CHN2: variants seen among roughly 807,000 people sequenced by gnomAD.
The protein encoded by CHN2 is chimerin 2.
In CHN2, 35 loss-of-function variants were observed where a neutral mutation model predicts 56.3. The ratio of observed to expected loss-of-function variants is 0.62; its 90% CI spans 0.47 to 0.82. CHN2 has a LOEUF of 0.82. CHN2 is among the 40% of genes least tolerant of loss of function. The pLI is 0.00. For synonymous variants in CHN2, 210 were observed against 212.8 expected (o/e 0.99, Z 0.12); for missense variants, 491 against 580.5 (o/e 0.85, Z 1.58).
rs182605468 is a variant in CHN2, at chr7:29,425,195, T to C, written c.576+24367T>C. On this transcript the variant is annotated intron_variant, in intron 6 of 12. Coordinates refer to ENST00000222792, the MANE Select transcript of CHN2 (RefSeq NM_004067.4). Reference sequence around the variant, plus strand: ...CCCCCTGCGGTTGGGTGAGGCCATATGGCACTTCAGACCAGTAAAGTATGA... The same window carrying C: ...CCCCCTGCGGTTGGGTGAGGCCATACGGCACTTCAGACCAGTAAAGTATGA... Among the ~76,000 whole-genome samples the C allele has an allele frequency of 2.6e-5, 4 of 152,340 alleles. No individual in the cohort carries two copies. In the East Asian group the frequency reaches 7.7e-4, roughly 29 times the overall value.
chr7:29,153,613 A>G (rs558415251), intron 2 of CHN2, among the ~76,000 whole-genome samples: 2 of 152,202 alleles, frequency 1.3e-5, no homozygotes, highest in Non-Finnish European at 2.9e-5. Flanking sequence ...ACTTTTGCCC[A>G]GGCTGAAGTG....
chr7:29,312,515 A>C (rs1794675786), intron 1 of CHN2, among the ~76,000 whole-genome samples: 1 of 152,196 alleles, frequency 6.6e-6, no homozygotes, highest in Admixed American at 6.5e-5. Context: ...AGCTAACTTT[A>C]TTATAGAGGT....
chr7:29,215,132 CTG>C (rs1191231718), intron 1 of CHN2, among the ~76,000 whole-genome samples: 1 of 152,168 alleles, frequency 6.6e-6, no homozygotes, highest in Non-Finnish European at 1.5e-5. Context: ...AATCTGGACT[CTG>C]TGAAACTCTG....
chr7:29,171,003 A>G (rs1456887108), intron 2 of CHN2, among the ~76,000 whole-genome samples: 1 of 152,176 alleles, frequency 6.6e-6, no homozygotes, highest in East Asian at 1.9e-4. Flanking sequence ...TCGGAATTCA[A>G]GATGAGATTA....
At chr7:29,331,392 C>T (rs542988772) in intron 1 of CHN2, among the ~76,000 whole-genome samples, 12 of 152,254 alleles carry the variant, frequency 7.9e-5, no homozygotes, top group Admixed American at 1.3e-4. Flanking sequence ...AGCCTGGGGA[C>T]GGCTAGAGCC....
At chr7:29,400,093 G>A (rs1585266609) in intron 5 of CHN2, 3 of 186,346 alleles carry the variant, frequency 1.6e-5, no homozygotes, top group Middle Eastern at 1.0e-3. Flanking sequence ...GACCAGGACA[G>A]GGCATCCCTT....
At chr7:29,403,874 C>G (rs17157895) in intron 6 of CHN2, among the ~76,000 whole-genome samples, 2,369 of 152,294 alleles carry the variant, frequency 0.016, 57 homozygotes, top group African/African-American at 0.054. Context: ...ACCTTCACAT[C>G]ACTGTAAGCA....
At chr7:29,149,860 CACCT>C (rs766825466) in intron 2 of CHN2, among the ~76,000 whole-genome samples, 8 of 152,154 alleles carry the variant, frequency 5.3e-5, no homozygotes, top group Non-Finnish European at 1.0e-4. Context: ...GTCCCAATTT[CACCT>C]ATTTATGAGG....
chr7:29,412,479 A>G (rs1803334714), intron 6 of CHN2, among the ~76,000 whole-genome samples: 1 of 151,712 alleles, frequency 6.6e-6, no homozygotes, highest in Non-Finnish European at 1.5e-5. Flanking sequence ...CTACGGGCTC[A>G]CACCACCACA....
intron 6 of CHN2, among the ~76,000 whole-genome samples, chr7:29,434,129 A>C (rs1783054210): frequency 6.6e-6 from 1 of 152,166 alleles, no homozygotes; most frequent in South Asian, 2.1e-4. Context: ...GGGGGTTTTG[A>C]ACCTCACCAG....
At chr7:29,492,875 CCATT>C (rs1788815960) in intron 7 of CHN2, among the ~76,000 whole-genome samples, 1 of 152,170 alleles carries the variant, frequency 6.6e-6, no homozygotes, top group Non-Finnish European at 1.5e-5. Context: ...ACATAATTGA[CCATT>C]CATTCCCTAA....
intron 6 of CHN2, among the ~76,000 whole-genome samples, chr7:29,415,900 C>G (rs897906378): frequency 6.6e-6 from 1 of 152,162 alleles, no homozygotes; most frequent in Non-Finnish European, 1.5e-5. Context: ...TAAATGATGA[C>G]ACTATTACCA....
chr7:29,406,621 G>A (rs528346582), intron 6 of CHN2, among the ~76,000 whole-genome samples: 8 of 152,134 alleles, frequency 5.3e-5, no homozygotes, highest in Admixed American at 2.0e-4. Context: ...CCTGTGTCCA[G>A]CGTCATTGTT....
chr7:29,491,763 TA>T (rs1320038900), intron 7 of CHN2, among the ~76,000 whole-genome samples: 4 of 152,338 alleles, frequency 2.6e-5, no homozygotes, highest in East Asian at 3.9e-4. Context: ...ATCAAAAATT[TA>T]ATACATGCAT....
At chr7:29,320,547 C>T (rs1354173305) in intron 1 of CHN2, among the ~76,000 whole-genome samples, 2 of 152,168 alleles carry the variant, frequency 1.3e-5, no homozygotes, top group African/African-American at 2.4e-5. Context: ...AAAGAAACAT[C>T]AAAACCAACA....
intron 1 of CHN2, among the ~76,000 whole-genome samples, chr7:29,214,891 G>A (rs537741465): frequency 1.3e-5 from 2 of 152,036 alleles, no homozygotes; most frequent in African/African-American, 2.4e-5. Flanking sequence ...CAGCCACCAT[G>A]CTTGGCTTTG....
intron 6 of CHN2, among the ~76,000 whole-genome samples, chr7:29,411,425 C>T (rs1466129875): frequency 6.6e-6 from 1 of 152,168 alleles, no homozygotes; most frequent in Non-Finnish European, 1.5e-5. Flanking sequence ...GCAGTCTCCC[C>T]ACCCCACCCC....
chr7:29,248,525 G>T (rs763509179), intron 1 of CHN2, among the ~76,000 whole-genome samples: 100 of 152,290 alleles, frequency 6.6e-4, no homozygotes, highest in Non-Finnish European at 1.3e-3. Context: ...TCCTCATCAG[G>T]TCTGCCTTTA....
At chr7:29,492,339 C>T (rs1461408829) in intron 7 of CHN2, among the ~76,000 whole-genome samples, 1 of 151,938 alleles carries the variant, frequency 6.6e-6, no homozygotes, top group African/African-American at 2.4e-5. Flanking sequence ...AGTATAATGG[C>T]ATAGATACAG....
Sources: gnomAD v4.1 joint callset for allele counts (sites outside exome capture counted in the v4.1 genomes callset) on GRCh38, gnomAD v4.1.1 for gene constraint, MANE v1.5 for transcripts, NCBI Gene and HGNC (gene_info 2026-07-23, HGNC 2026-07-21) for gene names.